Variants in BLNK observed in about 807,000 individuals in gnomAD.
The protein encoded by BLNK is B-cell linker protein.
In BLNK, 29 loss-of-function variants were observed where a neutral mutation model predicts 73.5. The observed-to-expected ratio is 0.39, with a 90% CI of 0.29 to 0.54. The LOEUF is 0.54. Among genes scored for constraint, BLNK ranks in the 20% least tolerant of loss-of-function variants. The pLI is 0.61. For missense variants in BLNK, 460 were observed against 562.8 expected, an observed-to-expected ratio of 0.82 and a Z score of 1.85; for synonymous variants, 176 against 200.8, an observed-to-expected ratio of 0.88 and a Z score of 1.04.
chr10:96,226,685 A>T (rs1842276873), intron 5 of BLNK, among the ~76,000 whole-genome samples: 1 of 152,084 alleles, frequency 6.6e-6, no homozygotes, highest in African/African-American at 2.4e-5. Flanking sequence ...TACTAAAAAT[A>T]CAAAAGTTAG....
At chr10:96,236,918 G>A (rs1157194810) in intron 3 of BLNK, among the ~76,000 whole-genome samples, 1 of 152,144 alleles carries the variant, frequency 6.6e-6, no homozygotes, top group Non-Finnish European at 1.5e-5. Context: ...AGAGGGGTGG[G>A]GGTACAGCAA....
At chr10:96,262,092 G>A (rs372348266) in intron 1 of BLNK, among the ~76,000 whole-genome samples, 38 of 152,276 alleles carry the variant, frequency 2.5e-4, no homozygotes, top group African/African-American at 9.1e-4. Context: ...CCTGAACAAT[G>A]ATCCATTTAT....
rs1470820074 is a variant in BLNK at position 96,189,375 on chromosome 10, C to T, written c.*2598G>A. 4 of 573,184 alleles carry T rather than the reference C, an allele frequency of 7.0e-6. No homozygotes were observed. Among genetic ancestry groups the T allele is most frequent in the African/African-American group, 3.8e-5 (2 of 53,314 alleles). The allele number at this position is 573,184 out of a possible 1,614,324, so 35.5% of individuals were successfully genotyped here. A position where few individuals can be genotyped will look rare whatever the true frequency, so the allele number is the denominator to read the frequency against. Reference sequence around the variant, plus strand: ...AAACTATTTTCTAAAGAGACTTCCTCCACTGCCAGGATCTTGAATAGTCTC... The same window carrying T: ...AAACTATTTTCTAAAGAGACTTCCTTCACTGCCAGGATCTTGAATAGTCTC... On this transcript the variant is annotated 3_prime_UTR_variant, in exon 17 of 17. Transcript: ENST00000224337.
Position 96,189,333 on chromosome 10 carries a change from A to G in BLNK, c.*2640T>C. On this transcript the variant is annotated 3_prime_UTR_variant, in exon 17 of 17. Coordinates refer to ENST00000224337, the MANE Select transcript of BLNK (RefSeq NM_013314.4). Reference sequence around the variant, plus strand: ...TAGAGAAATGAAATAAGATGGAAAAATGTTAACAAATTGTTTAAACTATTT... The same window carrying G: ...TAGAGAAATGAAATAAGATGGAAAAGTGTTAACAAATTGTTTAAACTATTT... 3.7e-6 allele frequency: 2 copies of G among 536,508 alleles called. No individual in the cohort carries two copies. The highest frequency in any genetic ancestry group is 7.1e-6 in the Non-Finnish European group (2 of 281,164). The allele number at this position is 536,508 out of a possible 1,614,324, so 33.2% of individuals were successfully genotyped here. A position where few individuals can be genotyped will look rare whatever the true frequency, so the allele number is the denominator to read the frequency against.
At chr10:96,271,318 G>C in intron 1 of BLNK, 34 bp downstream of exon 1, 1 of 1,609,046 alleles carries the variant, frequency 6.2e-7, no homozygotes, top group Non-Finnish European at 8.5e-7. Flanking sequence ...AAAAAAAGGA[G>C]ATGAAGAAGG....
chr10:96,217,046 C>A (rs991927497), intron 6 of BLNK, among the ~76,000 whole-genome samples: 1 of 152,188 alleles, frequency 6.6e-6, no homozygotes, highest in African/African-American at 2.4e-5. Flanking sequence ...CCATTCTGGA[C>A]ATTGAATATG....
chr10:96,204,560 G>C lies in BLNK; in HGVS notation c.874C>G (p.Gln292Glu). The C allele has an allele frequency of 6.2e-7, 1 of 1,614,074 alleles. No individual in the cohort carries two copies. Among genetic ancestry groups the C allele is most frequent in the Non-Finnish European group, 8.5e-7 (1 of 1,179,934 alleles). Residue 292 changes from glutamine to glutamate, a missense_variant, in exon 12 of 17, where the codon CAG (glutamine) becomes GAG (glutamate). Around this residue, in one of 3 missense-constraint regions of BLNK, gnomAD observed 233 missense variants for 232.1 expected, o/e 1.00. Coordinates refer to ENST00000224337, the MANE Select transcript of BLNK (RefSeq NM_013314.4). ...RGSSHRQEAVQSPVFPPAQKQ... is the reference protein window; with the variant it reads ...RGSSHRQEAVESPVFPPAQKQ... ...TGGGCAGGAGGAAACACTGGTGACT[G>C]CACAGCTTCTTGTCTGTGACTTGAC... is the stretch of plus-strand genomic sequence containing the variant.
chr10:96,247,477 G>A (rs1423831463), intron 1 of BLNK, among the ~76,000 whole-genome samples: 1 of 152,120 alleles, frequency 6.6e-6, no homozygotes, highest in Non-Finnish European at 1.5e-5. Context: ...TCCTACCTAG[G>A]AGTCATAAAG....
At chr10:96,220,259 A>G (rs2084165532) in intron 6 of BLNK, among the ~76,000 whole-genome samples, 1 of 151,900 alleles carries the variant, frequency 6.6e-6, no homozygotes, top group African/African-American at 2.4e-5. Context: ...CTGCTCCTTA[A>G]CCCACCCACA....
chr10:96,265,692 A>G (rs1422292197), intron 1 of BLNK, among the ~76,000 whole-genome samples: 1 of 152,250 alleles, frequency 6.6e-6, no homozygotes, highest in African/African-American at 2.4e-5. Flanking sequence ...TGTATTGCCT[A>G]TTCTGAACTT....
At position 96,227,501 on chromosome 10, in the gene BLNK, C is replaced by G. The variant is rs17111469; in HGVS notation, c.270G>C (p.Glu90Asp). ...GCGGCTCGTAGCTGTCATCAGCGTT[C>G]TCCTCGGCGGGCATCACGTACATCT... is the stretch of plus-strand genomic sequence containing the variant. ...DSEMYVMPAE[E>D]NADDSYEPPP... is the part of the protein sequence containing the mutation. Residue 90 changes from glutamate (E) to aspartate (D), a missense_variant, in exon 5 of 17, where the codon GAG (glutamate) becomes GAC (aspartate). Glu to Asp is a conservative substitution (Grantham distance 45, BLOSUM62 2). Transcript: ENST00000224337. The G allele has an allele frequency of 6.2e-7, 1 of 1,614,122 alleles. No individual in the cohort carries two copies. Among genetic ancestry groups the G allele is most frequent in the African/African-American group, 1.3e-5 (1 of 74,956 alleles).
intron 4 of BLNK, among the ~76,000 whole-genome samples, chr10:96,229,460 C>T (rs1842411427): frequency 6.6e-6 from 1 of 152,130 alleles, no homozygotes; most frequent in Admixed American, 6.5e-5. Flanking sequence ...TGAATGCTTA[C>T]TCAGTCTTTA....
rs1271844221 is a variant in BLNK at position 96,228,714 on chromosome 10, AT to A, written c.205-1149del. Among the ~76,000 whole-genome samples, 6 of 152,192 alleles carry A rather than the reference AT, an allele frequency of 3.9e-5. No individual in the cohort carries two copies. In the East Asian group the frequency reaches 1.2e-3, roughly 29 times the overall value. On this transcript the variant is annotated intron_variant, in intron 4 of 16. Transcript: ENST00000224337. ...GAAAGAGTCACTAGGTTTCTTGTGC[AT>A]GTTTTTCAGAGGTAGTTTATGTATA...
intron 6 of BLNK, among the ~76,000 whole-genome samples, chr10:96,220,085 C>T (rs1375420690): frequency 6.6e-6 from 1 of 152,184 alleles, no homozygotes; most frequent in Non-Finnish European, 1.5e-5. Flanking sequence ...CACTCCTGAT[C>T]AAACCAATCT....
At position 96,271,499 on chromosome 10, in the gene BLNK, G is replaced by T; in HGVS notation, c.-101C>A. On this transcript the variant is annotated 5_prime_UTR_variant, in exon 1 of 17. Coordinates refer to ENST00000224337, the MANE Select transcript of BLNK (RefSeq NM_013314.4). ...AGCATGGTAAGCCTCTGGTCTCAAG[G>T]GTTCCGGCCACTCAAGTCTGATTTC... The T allele has an allele frequency of 1.6e-6, 2 of 1,252,584 alleles. No individual in the cohort carries two copies. The highest frequency in any genetic ancestry group is 2.3e-6 in the Non-Finnish European group (2 of 853,862). The allele number at this position is 1,252,584 out of a possible 1,614,324, so 77.6% of individuals were successfully genotyped here. A position where few individuals can be genotyped will look rare whatever the true frequency, so the allele number is the denominator to read the frequency against.
At chr10:96,229,807 C>T (rs1259674657) in intron 4 of BLNK, among the ~76,000 whole-genome samples, 1 of 151,930 alleles carries the variant, frequency 6.6e-6, no homozygotes, top group African/African-American at 2.4e-5. Context: ...AAAAGTCACC[C>T]CTTCCCCTCA....
chr10:96,248,858 G>C (rs1843162319), intron 1 of BLNK, among the ~76,000 whole-genome samples: 1 of 152,034 alleles, frequency 6.6e-6, no homozygotes, highest in Non-Finnish European at 1.5e-5. Context: ...TCTAAAAAGG[G>C]GATTATTACT....
intron 3 of BLNK, among the ~76,000 whole-genome samples, chr10:96,241,999 T>A (rs1002384573): frequency 6.6e-6 from 1 of 152,204 alleles, no homozygotes; most frequent in Non-Finnish European, 1.5e-5. Context: ...GGATTGCAGG[T>A]GTGAGCCACT....
intron 5 of BLNK, among the ~76,000 whole-genome samples, chr10:96,225,637 G>A (rs1395938695): frequency 6.7e-6 from 1 of 149,780 alleles, no homozygotes; most frequent in African/African-American, 2.5e-5. Context: ...GCTTTGAAGA[G>A]TGTGATTTTT....
Sources: allele counts gnomAD v4.1 joint callset (sites outside exome capture counted in the v4.1 genomes callset), GRCh38; gene constraint gnomAD v4.1.1; regional missense constraint gnomAD v4.1.1; transcripts MANE v1.5; gene names NCBI Gene and HGNC (gene_info 2026-07-23, HGNC 2026-07-21).